The following TSNAX variants were observed in gnomAD, a reference collection of about 807,000 sequenced individuals.
The protein encoded by TSNAX is translin-associated protein X.
TSNAX carries 12 observed loss-of-function variants against 33.0 expected under a neutral mutation model. The observed-to-expected ratio is 0.36, with a 90% confidence interval of 0.23 to 0.59. The LOEUF is 0.59. TSNAX is among the 20% of genes least tolerant of loss of function. The pLI is 0.74. For synonymous variants in TSNAX, 110 were observed against 117.2 expected, an observed-to-expected ratio of 0.94 and a Z score of 0.40; for missense variants, 267 against 341.3, an observed-to-expected ratio of 0.78 and a Z score of 1.72.
intron 2 of TSNAX, among the ~76,000 whole-genome samples, chr1:231,532,587 C>T (rs974172489): frequency 2.0e-5 from 3 of 151,836 alleles, no homozygotes; most frequent in Non-Finnish European, 4.4e-5. Flanking sequence ...AAAAAAGGTC[C>T]AAGTTTCTTT....
chr1:231,551,119 A>C (rs944730122), intron 4 of TSNAX, among the ~76,000 whole-genome samples: 2 of 152,218 alleles, frequency 1.3e-5, no homozygotes, highest in Non-Finnish European at 2.9e-5. Flanking sequence ...TCCTGTTAAA[A>C]TATCTTGAAT....
At chr1:231,535,888 T>G (rs1371315578) in intron 2 of TSNAX, 1 of 152,244 alleles carries the variant, frequency 6.6e-6, no homozygotes, top group East Asian at 1.9e-4. Flanking sequence ...ATGGGAGATT[T>G]GTGTCCGTAA....
intron 1 of TSNAX, among the ~76,000 whole-genome samples, chr1:231,529,027 C>T (rs1335252103): frequency 6.6e-6 from 1 of 152,102 alleles, no homozygotes; most frequent in African/African-American, 2.4e-5. Context: ...GTGATTTTAT[C>T]CTAGTTCAGT....
intron 2 of TSNAX, among the ~76,000 whole-genome samples, chr1:231,530,217 T>G (rs933446153): frequency 6.6e-6 from 1 of 152,198 alleles, no homozygotes; most frequent in Admixed American, 6.5e-5. Flanking sequence ...ATTGTGTTTG[T>G]TAGAAGGGAG....
At chr1:231,553,190 G>A (rs552647724) in intron 4 of TSNAX, among the ~76,000 whole-genome samples, 1 of 152,186 alleles carries the variant, frequency 6.6e-6, no homozygotes, top group African/African-American at 2.4e-5. Context: ...TGAGTCATGT[G>A]AGGTTCAAAT....
At chr1:231,538,087 A>G (rs1209846519) in intron 3 of TSNAX, among the ~76,000 whole-genome samples, 1 of 152,206 alleles carries the variant, frequency 6.6e-6, no homozygotes, top group Non-Finnish European at 1.5e-5. Flanking sequence ...TTTGTAGCAT[A>G]TGATACTGTT....
chr1:231,564,951 G>C lies in TSNAX; in HGVS notation c.*46G>C. 1 of 1,564,576 alleles carries C rather than the reference G, an allele frequency of 6.4e-7. No individual in the cohort carries two copies. The highest frequency in any genetic ancestry group is 2.2e-5 in the East Asian group (1 of 44,452). On this transcript the variant is annotated 3_prime_UTR_variant, in exon 6 of 6. Transcript: ENST00000366639. ...CTAATTCTTTTGAGAACTCCTAAGA[G>C]ACCAATTTGTAAGACTTATTTAGTA...
chr1:231,542,461 TC>T lies in TSNAX; in HGVS notation c.237-17del. The T allele has an allele frequency of 6.2e-7, 1 of 1,611,638 alleles. No homozygotes were observed. The highest frequency in any genetic ancestry group is 8.5e-7 in the Non-Finnish European group (1 of 1,178,762). ...TTAAAGCATCTGATGTTCTAAAAGT[TC>T]CCAATATCTTGATCATAGTGCTCCT... On this transcript the variant is annotated intron_variant, in intron 3 of 5. Coordinates refer to ENST00000366639, the MANE Select transcript of TSNAX (RefSeq NM_005999.3).
chr1:231,534,818 A>G (rs1001815443), intron 2 of TSNAX: 5 of 152,202 alleles, frequency 3.3e-5, no homozygotes, highest in Admixed American at 6.5e-5. Flanking sequence ...ACCTGCTGCT[A>G]GACATGGATC....
intron 2 of TSNAX, chr1:231,536,555 G>T (rs1332456709): frequency 1.3e-5 from 2 of 152,202 alleles, no homozygotes; most frequent in Admixed American, 6.5e-5. Flanking sequence ...GAATTTGTGA[G>T]CTGCTGTGCG....
chr1:231,537,997 G>A (rs770014992), intron 3 of TSNAX, among the ~76,000 whole-genome samples: 3 of 152,110 alleles, frequency 2.0e-5, no homozygotes, highest in East Asian at 3.8e-4. Flanking sequence ...ACTCATGGCA[G>A]TCTGGCTTTC....
chr1:231,557,372 G>A (rs1231380964), intron 4 of TSNAX, among the ~76,000 whole-genome samples: 1 of 152,128 alleles, frequency 6.6e-6, no homozygotes, highest in African/African-American at 2.4e-5. Context: ...TTCAAAGAGG[G>A]GAAGTGGCAC....
rs1399210658 is a variant in TSNAX at position 231,529,298 on chromosome 1, TAACC to T, written c.63_66del (p.Asn21LysfsTer14). 3 of 1,614,194 alleles carry T rather than the reference TAACC, an allele frequency of 1.9e-6. No homozygotes were observed. Among genetic ancestry groups the T allele is most frequent in the Non-Finnish European group, 2.5e-6 (3 of 1,180,036 alleles). ...AAAGGAAGCATGACAATTTCCCACA[TAACC>T]AAAGAAGAGAAGGGAAGGATGTTAA... On this transcript the variant is annotated frameshift_variant, in exon 2 of 6. Coordinates refer to ENST00000366639, the MANE Select transcript of TSNAX (RefSeq NM_005999.3). LOFTEE classifies it high-confidence loss of function.
chr1:231,532,080 A>C (rs182275274), intron 2 of TSNAX, among the ~76,000 whole-genome samples: 54 of 148,702 alleles, frequency 3.6e-4, no homozygotes, highest in African/African-American at 1.3e-3. Flanking sequence ...AAAGGAAAAA[A>C]AAAAAACTAA....
At chr1:231,561,696 G>A (rs1203386404) in intron 5 of TSNAX, among the ~76,000 whole-genome samples, 1 of 152,174 alleles carries the variant, frequency 6.6e-6, no homozygotes, top group African/African-American at 2.4e-5. Flanking sequence ...TTGAAGTTAG[G>A]TATTTTGAAT....
Position 231,561,224 on chromosome 1 carries a change from C to G in TSNAX, c.464C>G (p.Thr155Arg), listed in dbSNP as rs760939212. ...GAAATTAATAAACAATTGATATTTA[C>G]GACTGAAGACAATGGGAAAGAAAAT... ...MDEINKQLIFTTEDNGKENKT... is the reference protein window; with the variant it reads ...MDEINKQLIFRTEDNGKENKT... The change falls in exon 5 of 6, where the codon ACG becomes AGG. Residue 155 changes from threonine to arginine, a missense_variant. By Grantham distance (71) the Thr-to-Arg change is moderately conservative. This residue lies in a region of TSNAX where 200 missense variants were observed against 214.1 expected (regional missense o/e 0.93). Coordinates refer to ENST00000366639, the MANE Select transcript of TSNAX (RefSeq NM_005999.3). 6 of 1,557,494 alleles carry G rather than the reference C, an allele frequency of 3.9e-6. 1 individual carries two copies. In the South Asian group the frequency reaches 7.0e-5, roughly 18 times the overall value.
Position 231,529,246 on chromosome 1 carries a change from CTA to C in TSNAX, c.17-4_17-3del, listed in dbSNP as rs767306118. On this transcript the variant is annotated splice_region_variant and splice_polypyrimidine_tract_variant and intron_variant, in intron 1 of 5. Coordinates refer to ENST00000366639, the MANE Select transcript of TSNAX (RefSeq NM_005999.3). ...GAAGATCCCTCTCTTTTTTTCTTCT[CTA>C]TATAAGGATCAGGAGGGTTCAGGAA... The C allele has an allele frequency of 6.2e-7, 1 of 1,608,226 alleles. No homozygotes were observed. The highest frequency in any genetic ancestry group is 1.3e-5 in the African/African-American group (1 of 74,410).
intron 3 of TSNAX, among the ~76,000 whole-genome samples, chr1:231,538,330 A>G (rs963964349): frequency 6.6e-6 from 1 of 152,230 alleles, no homozygotes; most frequent in South Asian, 2.1e-4. Context: ...ACTATTTTCT[A>G]TTACAGTTGT....
In TSNAX at chr1:231,528,709, T is replaced by A. The variant is rs1658427458; in HGVS notation, c.-102T>A. The A allele has an allele frequency of 7.0e-7, 1 of 1,429,266 alleles. No individual in the cohort carries two copies. The highest frequency in any genetic ancestry group is 1.4e-5 in the African/African-American group (1 of 70,908). The allele number at this position is 1,429,266 out of a possible 1,614,324, so 88.5% of individuals were successfully genotyped here. A position where few individuals can be genotyped will look rare whatever the true frequency, so the allele number is the denominator to read the frequency against. ...TAGTCGGCCCGGCTGCAAAGCGTTT[T>A]TCTGCAGGCTGTTTTCCCAGGTTCC... On this transcript the variant is annotated 5_prime_UTR_variant, in exon 1 of 6. Coordinates refer to ENST00000366639, the MANE Select transcript of TSNAX (RefSeq NM_005999.3).
Sources: gnomAD v4.1 joint callset for allele counts (sites outside exome capture counted in the v4.1 genomes callset) on GRCh38, gnomAD v4.1.1 for gene constraint, gnomAD v4.1.1 regional missense constraint, MANE v1.5 for transcripts, NCBI Gene and HGNC (gene_info 2026-07-23, HGNC 2026-07-21) for gene names.